COBL: variants seen among roughly 807,000 people sequenced by gnomAD.
The protein encoded by COBL is cordon-bleu WH2 repeat protein.
In COBL, 51 loss-of-function variants were observed where a neutral mutation model predicts 98.8. That is an observed-to-expected ratio of 0.52 (90% CI 0.41 to 0.65). The LOEUF (loss-of-function observed/expected upper bound fraction) is 0.65, where lower values mean the gene tolerates loss of function less well. Ranked by LOEUF, COBL falls within the 30% of genes least tolerant of loss-of-function variation. The pLI is 0.00. For missense variants in COBL, 1,617 were observed against 1,617.5 expected (o/e 1.00, Z 0.01); for synonymous variants, 634 against 651.7 (o/e 0.97, Z 0.41).
chr7:51,142,700 C>T (rs1190720733), intron 5 of COBL, among the ~76,000 whole-genome samples: 1 of 152,110 alleles, frequency 6.6e-6, no homozygotes, highest in Non-Finnish European at 1.5e-5. Context: ...TTTATTTTCC[C>T]TTAACATAAC....
intron 12 of COBL, among the ~76,000 whole-genome samples, chr7:51,019,907 G>C (rs1490158054): frequency 6.6e-6 from 1 of 152,208 alleles, no homozygotes; most frequent in African/African-American, 2.4e-5. Context: ...CTAGGGCTTA[G>C]ATGAAAAGAG....
intron 1 of COBL, among the ~76,000 whole-genome samples, chr7:51,313,802 A>T (rs976503025): frequency 1.3e-5 from 2 of 152,222 alleles, no homozygotes; most frequent in Non-Finnish European, 2.9e-5. Context: ...GATAAAGTAG[A>T]GAGTTAAATA....
chr7:51,158,672 G>T (rs1324658278), intron 5 of COBL, among the ~76,000 whole-genome samples: 1 of 152,092 alleles, frequency 6.6e-6, no homozygotes, highest in Non-Finnish European at 1.5e-5. Flanking sequence ...GAAAGTGTCC[G>T]CCCCTGCCCT....
At chr7:51,187,781 T>G in intron 4 of COBL, 1 of 639,224 alleles carries the variant, frequency 1.6e-6, no homozygotes, top group Non-Finnish European at 2.2e-6. Context: ...GCATGCACCT[T>G]CAGGAGGGCC....
In COBL at chr7:51,085,374, T is replaced by C. The variant is rs1404947698; in HGVS notation, c.958-70A>G. 16 of 1,408,436 alleles carry C rather than the reference T, an allele frequency of 1.1e-5. No homozygotes were observed. The African/African-American group carries it at 1.9e-4, about 17-fold the overall frequency. The allele number at this position is 1,408,436 out of a possible 1,614,324, so 87.2% of individuals were successfully genotyped here. On this transcript the variant is annotated intron_variant, in intron 6 of 12. Transcript: ENST00000265136. ...CTATGAAGTACAAAGAAGGCAGTAT[T>C]AGGGTGATTGTGCTGGGGCAGGGAC... is the stretch of plus-strand genomic sequence containing the variant.
intron 1 of COBL, among the ~76,000 whole-genome samples, chr7:51,222,593 A>G (rs1280722282): frequency 1.3e-5 from 2 of 152,196 alleles, no homozygotes; most frequent in African/African-American, 4.8e-5. Context: ...ATACCATTTC[A>G]GAGATGGAAA....
intron 2 of COBL, 133 bp downstream of exon 2, chr7:51,219,608 T>G: frequency 2.1e-6 from 2 of 945,524 alleles, no homozygotes; most frequent in Non-Finnish European, 3.2e-6. Flanking sequence ...CTAAGCCCGA[T>G]TTATATCCAT....
chr7:51,021,168 G>A (rs953559259), intron 12 of COBL: 2 of 152,226 alleles, frequency 1.3e-5, no homozygotes, highest in African/African-American at 4.8e-5. Flanking sequence ...CTGTTCTGGA[G>A]CCGTTGCTGA....
intron 1 of COBL, among the ~76,000 whole-genome samples, chr7:51,221,687 T>C (rs1172569506): frequency 6.6e-6 from 1 of 152,216 alleles, no homozygotes; most frequent in Non-Finnish European, 1.5e-5. Context: ...AAAAATGACC[T>C]TGGGTGATGG....
intron 1 of COBL, among the ~76,000 whole-genome samples, chr7:51,286,126 T>C (rs1436644427): frequency 6.6e-6 from 1 of 151,598 alleles, no homozygotes; most frequent in African/African-American, 2.4e-5. Context: ...CTGATCTAAA[T>C]GGAAAAGTAA....
intron 5 of COBL, among the ~76,000 whole-genome samples, chr7:51,170,506 G>GAT (rs3047166): frequency 0.13 from 17,151 of 131,710 alleles, 1,005 homozygotes; most frequent in East Asian, 0.22. Flanking sequence ...CTGACACTGT[G>GAT]ATATATATAT....
chr7:51,273,940 C>T (rs1237710803), intron 1 of COBL, among the ~76,000 whole-genome samples: 5 of 152,148 alleles, frequency 3.3e-5, no homozygotes, highest in African/African-American at 1.2e-4. Flanking sequence ...GCCAACTCCC[C>T]CTGTAGCAGT....
At chr7:51,305,514 G>A (rs1157689382) in intron 1 of COBL, among the ~76,000 whole-genome samples, 1 of 152,194 alleles carries the variant, frequency 6.6e-6, no homozygotes, top group African/African-American at 2.4e-5. Context: ...CTTGGTGCAT[G>A]TCATTTAGAA....
rs571386403 is a variant in COBL, at chr7:51,169,681, G to A, written c.783+14421C>T. ...CTGAACTCATTGACAGAGAGTAGAAGGATGGCACAGGTAGTGGGGAACTCA... is the reference window on the plus strand; with the variant it reads ...CTGAACTCATTGACAGAGAGTAGAAAGATGGCACAGGTAGTGGGGAACTCA... On this transcript the variant is annotated intron_variant, in intron 5 of 12. Coordinates refer to ENST00000265136, the MANE Select transcript of COBL (RefSeq NM_015198.5). 9.2e-5 allele frequency among the ~76,000 whole-genome samples: 14 copies of A among 152,280 alleles called. 1 individual carries two copies. The South Asian group carries it at 2.7e-3, about 29-fold the overall frequency.
intron 1 of COBL, among the ~76,000 whole-genome samples, chr7:51,274,108 G>A (rs1172199621): frequency 2.0e-5 from 3 of 152,000 alleles, no homozygotes; most frequent in Non-Finnish European, 4.4e-5. Context: ...TGAGGCCCTC[G>A]CTCCCCTTCC....
chr7:51,020,235 C>T (rs1786793756), intron 12 of COBL, among the ~76,000 whole-genome samples: 1 of 152,204 alleles, frequency 6.6e-6, no homozygotes, highest in Non-Finnish European at 1.5e-5. Context: ...GGAGCTACGA[C>T]CTTGACTTCC....
chr7:51,235,560 C>T (rs1795180057), intron 1 of COBL, among the ~76,000 whole-genome samples: 1 of 152,156 alleles, frequency 6.6e-6, no homozygotes, highest in Admixed American at 6.5e-5. Context: ...TTCCAGAGAG[C>T]AATTATATCA....
rs1194901711 is a variant in COBL, at chr7:51,027,787, G to C, written c.3309C>G (p.Val1103=). 6.2e-7 allele frequency: 1 copy of C among 1,614,206 alleles called. No homozygotes were observed. The highest frequency in any genetic ancestry group is 1.7e-5 in the Admixed American group (1 of 60,024). The change falls in exon 10 of 13, where the codon GTC becomes GTG. Residue 1103 remains valine (V), a synonymous_variant. Transcript: ENST00000265136. ...KKFKPVVQRP[V]PKDTSLHSAL... is the part of the protein sequence containing the mutation. ...CAGAGTGCAGGGATGTGTCTTTTGGGACTGGTCTCTGGACAACAGGTTTGA... is the reference window on the plus strand; with the variant it reads ...CAGAGTGCAGGGATGTGTCTTTTGGCACTGGTCTCTGGACAACAGGTTTGA...
At chr7:51,142,596 C>T (rs1488037324) in intron 5 of COBL, among the ~76,000 whole-genome samples, 1 of 151,972 alleles carries the variant, frequency 6.6e-6, no homozygotes, top group Non-Finnish European at 1.5e-5. Context: ...CTTGGAAAGG[C>T]TGGTCTCGAA....
Sources: gnomAD v4.1 joint callset for allele counts (sites outside exome capture counted in the v4.1 genomes callset) on GRCh38, gnomAD v4.1.1 for gene constraint, MANE v1.5 for transcripts, NCBI Gene and HGNC (gene_info 2026-07-23, HGNC 2026-07-21) for gene names.